The following COL19A1 variants were observed in gnomAD, a reference collection of about 807,000 sequenced individuals.
COL19A1 encodes collagen alpha-1(XIX) chain.
COL19A1 carries 159 observed loss-of-function variants against 190.2 expected under a neutral mutation model. The ratio of observed to expected loss-of-function variants is 0.84; its 90% CI spans 0.73 to 0.95. The LOEUF is 0.95. COL19A1 is among the 40% of genes least tolerant of loss of function. The probability of loss-of-function intolerance (pLI) is 0.00; values close to 1 mark genes in which losing one functional copy is unlikely to be tolerated. For missense variants in COL19A1, 1,418 were observed against 1,431.9 expected (o/e 0.99, Z 0.16); for synonymous variants, 509 against 458.9 (o/e 1.11, Z -1.39).
intron 11 of COL19A1, among the ~76,000 whole-genome samples, chr6:70,008,170 A>G (rs955975009): frequency 4.1e-4 from 63 of 152,096 alleles, no homozygotes; most frequent in Middle Eastern, 3.4e-3. Context: ...GAAGGCAGGA[A>G]CAATAAAATC....
Position 70,020,012 on chromosome 6 carries a change from T to G in COL19A1, c.1027-3615T>G, listed in dbSNP as rs114732682. Among the ~76,000 whole-genome samples, 352 of 152,246 alleles carry G rather than the reference T, an allele frequency of 2.3e-3. 1 individual carries two copies. The highest frequency in any genetic ancestry group is 7.1e-3 in the African/African-American group (297 of 41,576). On this transcript the variant is annotated intron_variant, in intron 11 of 50. Transcript: ENST00000620364. ...TCCAGATATAGAACTCCTATTGCTTTTCTTTCAAGAGTGATAGAATTTTAT... is the reference window on the plus strand; with the variant it reads ...TCCAGATATAGAACTCCTATTGCTTGTCTTTCAAGAGTGATAGAATTTTAT...
intron 46 of COL19A1, 51 bp downstream of exon 46, chr6:70,184,966 T>G (rs746917673): frequency 6.4e-7 from 1 of 1,553,628 alleles, no homozygotes; most frequent in Non-Finnish European, 8.8e-7. Flanking sequence ...GTTACAACTG[T>G]CCCATCATTT....
At chr6:69,949,839 A>C (rs1440788215) in intron 9 of COL19A1, among the ~76,000 whole-genome samples, 1 of 151,858 alleles carries the variant, frequency 6.6e-6, no homozygotes, top group Non-Finnish European at 1.5e-5. Context: ...AGTACTGTTA[A>C]AAAATAAATA....
At position 69,873,937 on chromosome 6, in the gene COL19A1, A is replaced by C. The variant is rs148748649; in HGVS notation, c.-32-5599A>C. Among the ~76,000 whole-genome samples the C allele has an allele frequency of 9.8e-4, 150 of 152,354 alleles. 1 individual carries two copies. The highest frequency in any genetic ancestry group is 6.8e-3 in the Middle Eastern group (2 of 294). On this transcript the variant is annotated intron_variant, in intron 1 of 50. Transcript: ENST00000620364. ...TCTTCATTAGCCACTCCATTGAGAAAGCATTAAAGATCTATATTATAGCTT... is the reference window on the plus strand; with the variant it reads ...TCTTCATTAGCCACTCCATTGAGAACGCATTAAAGATCTATATTATAGCTT...
At chr6:70,021,553 A>G (rs996941972) in intron 11 of COL19A1, among the ~76,000 whole-genome samples, 2 of 152,176 alleles carry the variant, frequency 1.3e-5, no homozygotes, top group Non-Finnish European at 2.9e-5. Context: ...ATTGGTATTA[A>G]CACTTTATTG....
chr6:70,068,364 C>A, intron 14 of COL19A1, 59 bp from the exon 15 acceptor site: 2 of 1,050,256 alleles, frequency 1.9e-6, no homozygotes, highest in Non-Finnish European at 3.0e-6. Context: ...TCACAACATT[C>A]TTTGTGAGGC....
Position 69,904,799 on chromosome 6 carries a change from T to C in COL19A1, c.266+4461T>C, listed in dbSNP as rs142472441. Among the ~76,000 whole-genome samples, 367 of 152,332 alleles carry C rather than the reference T, an allele frequency of 2.4e-3. 3 individuals carry two copies. Among genetic ancestry groups the C allele is most frequent in the African/African-American group, 8.5e-3 (352 of 41,572 alleles). The stretch of plus-strand genomic sequence containing the variant: ...GGCCTCCAAGTGCCCTGCTTGCACC[T>C]GAAGGTCCCTCACCCCCGGTTCTGC... On this transcript the variant is annotated intron_variant, in intron 4 of 50. Coordinates refer to ENST00000620364, the MANE Select transcript of COL19A1 (RefSeq NM_001858.6).
At chr6:69,961,702 G>T (rs1774807465) in intron 10 of COL19A1, among the ~76,000 whole-genome samples, 1 of 151,902 alleles carries the variant, frequency 6.6e-6, no homozygotes, top group Non-Finnish European at 1.5e-5. Context: ...TTAATTACAT[G>T]CATGTAACAC....
chr6:69,929,288 TG>T, intron 5 of COL19A1, 136 bp from the exon 6 acceptor site: 1 of 818,018 alleles, frequency 1.2e-6, no homozygotes, highest in Non-Finnish European at 1.9e-6. Flanking sequence ...ACAAACCTGG[TG>T]GACACAAGTG....
intron 12 of COL19A1, among the ~76,000 whole-genome samples, chr6:70,030,555 A>T (rs918656108): frequency 1.3e-5 from 2 of 152,192 alleles, no homozygotes; most frequent in Non-Finnish European, 2.9e-5. Context: ...ATTTATAAGG[A>T]GTATATAATT....
intron 16 of COL19A1, among the ~76,000 whole-genome samples, chr6:70,112,351 G>A (rs1329896559): frequency 2.0e-5 from 3 of 152,118 alleles, no homozygotes; most frequent in Non-Finnish European, 2.9e-5. Context: ...TCTGTGGGTG[G>A]CAAGGCACTC....
At chr6:70,187,117 T>C (rs1766573656) in intron 46 of COL19A1, among the ~76,000 whole-genome samples, 1 of 152,108 alleles carries the variant, frequency 6.6e-6, no homozygotes, top group South Asian at 2.1e-4. Flanking sequence ...TGACCTCAGG[T>C]GATCTGCCCA....
rs573593679 is a variant in COL19A1 at position 70,192,491 on chromosome 6, C to CTCTT, written c.3094+2120_3094+2123dup. ...TCTTTCTTTCTTTATTTCTCTCTCT[C>CTCTT]TCTTTCTTTCTTTGTTTTTTTTGAC... is the stretch of plus-strand genomic sequence containing the variant. On this transcript the variant is annotated intron_variant, in intron 48 of 50. Transcript: ENST00000620364. 1.5e-3 allele frequency among the ~76,000 whole-genome samples: 223 copies of CTCTT among 151,504 alleles called. 1 individual carries two copies. The highest frequency in any genetic ancestry group is 5.4e-3 in the African/African-American group (221 of 41,254).
intron 11 of COL19A1, among the ~76,000 whole-genome samples, chr6:69,987,385 G>T (rs1158676672): frequency 1.3e-5 from 2 of 152,144 alleles, no homozygotes; most frequent in Admixed American, 1.3e-4. Context: ...TTGACTCAGT[G>T]AAAATTAGAC....
At chr6:69,903,642 A>G (rs1262484857) in intron 4 of COL19A1, among the ~76,000 whole-genome samples, 1 of 152,148 alleles carries the variant, frequency 6.6e-6, no homozygotes, top group Non-Finnish European at 1.5e-5. Flanking sequence ...CTTTTCTATC[A>G]AGGAATACCA....
rs969276018 is a variant in COL19A1 at position 70,153,941 on chromosome 6, G to A, written c.2080-2186G>A. ...TTCAGACTCTAAGAAAGACCACCAT[G>A]AAGAGAGCTTTTTCACCCAGCATTT... On this transcript the variant is annotated intron_variant, in intron 31 of 50. Transcript: ENST00000620364. 2.4e-4 allele frequency among the ~76,000 whole-genome samples: 37 copies of A among 152,174 alleles called. No homozygotes were observed. The Middle Eastern group carries it at 0.01, about 42-fold the overall frequency.
intron 17 of COL19A1, among the ~76,000 whole-genome samples, chr6:70,124,770 TA>T (rs1322731889): frequency 1.3e-5 from 2 of 152,186 alleles, no homozygotes; most frequent in Non-Finnish European, 2.9e-5. Flanking sequence ...GAAAGGAGTA[TA>T]GCTGTTATCC....
chr6:70,004,841 T>A (rs1257384248), intron 11 of COL19A1, among the ~76,000 whole-genome samples: 1 of 151,822 alleles, frequency 6.6e-6, no homozygotes, highest in Non-Finnish European at 1.5e-5. Flanking sequence ...GTACTTTTTT[T>A]TTTTTTTTGA....
rs1448589452 is a variant in COL19A1 at position 70,102,098 on chromosome 6, A to G, written c.1225-71A>G. 8 of 1,178,550 alleles carry G rather than the reference A, an allele frequency of 6.8e-6. No homozygotes were observed. In the Admixed American group the frequency reaches 6.8e-5, roughly 10 times the overall value. 73.0% of individuals were successfully genotyped at this position (1,178,550 alleles called of 1,614,324 possible). On this transcript the variant is annotated intron_variant, in intron 15 of 50. Coordinates refer to ENST00000620364, the MANE Select transcript of COL19A1 (RefSeq NM_001858.6). The stretch of plus-strand genomic sequence containing the variant: ...CATTTTTACTGTCTTCAATATTCCC[A>G]TTTAATATTGTTTGATATTAAAATA...
Sources: allele counts gnomAD v4.1 joint callset (sites outside exome capture counted in the v4.1 genomes callset), GRCh38; gene constraint gnomAD v4.1.1; transcripts MANE v1.5; gene names NCBI Gene and HGNC (gene_info 2026-07-23, HGNC 2026-07-21).